Variants in LPP observed in about 807,000 individuals in gnomAD.
LPP encodes lipoma-preferred partner.
In LPP, 38 loss-of-function variants were observed where a neutral mutation model predicts 60.4. That is an observed-to-expected ratio of 0.63 (90% CI 0.49 to 0.83). LPP has a LOEUF of 0.83. Ranked by LOEUF, LPP falls within the 40% of genes least tolerant of loss-of-function variation. LPP has a pLI of 0.00. For missense variants in LPP, 902 were observed against 783.6 expected (o/e 1.15, Z -1.80); for synonymous variants, 328 against 290.8 (o/e 1.13, Z -1.30).
At chr3:188,292,003 T>G (rs975351727) in intron 2 of LPP, among the ~76,000 whole-genome samples, 1 of 152,236 alleles carries the variant, frequency 6.6e-6, no homozygotes, top group African/African-American at 2.4e-5. Flanking sequence ...TAATTTTCTT[T>G]AAACAGATCA....
intron 6 of LPP, among the ~76,000 whole-genome samples, chr3:188,607,390 TATATATATATATATATATATATATATA>T (rs1164179767): frequency 3.5e-5 from 1 of 28,384 alleles, no homozygotes; most frequent in African/African-American, 1.8e-4. Flanking sequence ...TATATATATA[TATATATATATATATATATATATATATA>T]ATTTTTTTTT....
At chr3:188,485,232 A>G (rs978853742) in intron 5 of LPP, among the ~76,000 whole-genome samples, 22 of 152,170 alleles carry the variant, frequency 1.4e-4, no homozygotes, top group Non-Finnish European at 2.5e-4. Context: ...TCAATTATAT[A>G]GAACTCTTGG....
At chr3:188,340,492 G>A (rs1198786777) in intron 2 of LPP, among the ~76,000 whole-genome samples, 4 of 133,574 alleles carry the variant, frequency 3.0e-5, no homozygotes, top group African/African-American at 1.1e-4. Context: ...AGTCCTTTAT[G>A]TAAACGGGAC....
At chr3:188,638,204 T>C (rs1232843698) in intron 7 of LPP, among the ~76,000 whole-genome samples, 5 of 138,834 alleles carry the variant, frequency 3.6e-5, no homozygotes, top group African/African-American at 5.3e-5. Context: ...GCAAGGCTGG[T>C]TCAATATATG....
At chr3:188,526,677 A>G (rs762566797) in intron 6 of LPP, among the ~76,000 whole-genome samples, 24 of 152,140 alleles carry the variant, frequency 1.6e-4, no homozygotes, top group African/African-American at 5.3e-4. Flanking sequence ...AAAATATACT[A>G]CCACTTAGCT....
chr3:188,369,336 C>T (rs1772305610), intron 3 of LPP, among the ~76,000 whole-genome samples: 1 of 151,350 alleles, frequency 6.6e-6, no homozygotes, highest in South Asian at 2.1e-4. Context: ...TGCTAATGTA[C>T]TTGTGAAGGC....
At chr3:188,642,792 TG>T (rs1850412873) in intron 7 of LPP, among the ~76,000 whole-genome samples, 1 of 152,026 alleles carries the variant, frequency 6.6e-6, no homozygotes, top group Non-Finnish European at 1.5e-5. Context: ...CAAAATTAGC[TG>T]GGTGTGGTGG....
chr3:188,201,757 T>C (rs1261176718), intron 1 of LPP, among the ~76,000 whole-genome samples: 1 of 152,050 alleles, frequency 6.6e-6, no homozygotes, highest in Non-Finnish European at 1.5e-5. Context: ...TCCCAACGAC[T>C]GGAGATCAGG....
At chr3:188,755,804 T>A (rs1249275578) in intron 8 of LPP, among the ~76,000 whole-genome samples, 1 of 60,960 alleles carries the variant, frequency 1.6e-5, no homozygotes, top group African/African-American at 7.0e-5. Context: ...AGTGAGATCC[T>A]GTCACAAAAA....
intron 7 of LPP, among the ~76,000 whole-genome samples, chr3:188,679,532 T>C (rs903992877): frequency 6.8e-6 from 1 of 147,528 alleles, no homozygotes; most frequent in Non-Finnish European, 1.5e-5. Context: ...TGTGTGTGTG[T>C]GTGTGTGTGT....
chr3:188,756,465 T>G (rs1730290009), intron 8 of LPP, among the ~76,000 whole-genome samples: 1 of 152,164 alleles, frequency 6.6e-6, no homozygotes. Context: ...TTCTCTTGTT[T>G]AAAAGTGCTG....
intron 1 of LPP, among the ~76,000 whole-genome samples, chr3:188,194,798 T>G (rs538665741): frequency 1.2e-4 from 18 of 152,342 alleles, no homozygotes; most frequent in African/African-American, 3.4e-4. Context: ...TTTCACTGTT[T>G]CATGTGAGTT....
chr3:188,691,463 A>G (rs960881405), intron 7 of LPP, among the ~76,000 whole-genome samples: 3 of 152,348 alleles, frequency 2.0e-5, no homozygotes, highest in Middle Eastern at 3.4e-3. Context: ...GGCCTGGCCC[A>G]AAGGTTAGCT....
At chr3:188,607,575 T>C (rs975843559) in intron 6 of LPP, among the ~76,000 whole-genome samples, 1 of 151,880 alleles carries the variant, frequency 6.6e-6, no homozygotes, top group Non-Finnish European at 1.5e-5. Context: ...AAATACATAG[T>C]GAATCTTTTC....
chr3:188,534,925 GTAAAGT>G (rs1823159845), intron 6 of LPP, among the ~76,000 whole-genome samples: 1 of 152,116 alleles, frequency 6.6e-6, no homozygotes, highest in Non-Finnish European at 1.5e-5. Flanking sequence ...AAAATTACCA[GTAAAGT>G]TAAACACTGC....
rs141705023 is a variant in LPP, at chr3:188,634,797, T to A, written c.1113+24953T>A. ...CCCACTGATTCCACTGATGGTGAGT[T>A]GTATAATTACTTCATTATATATTAC... On this transcript the variant is annotated intron_variant, in intron 7 of 11. Transcript: ENST00000617246. 1.3e-3 allele frequency among the ~76,000 whole-genome samples: 200 copies of A among 152,318 alleles called. 1 individual carries two copies. Among genetic ancestry groups the A allele is most frequent in the African/African-American group, 4.6e-3 (191 of 41,560 alleles).
intron 5 of LPP, among the ~76,000 whole-genome samples, chr3:188,500,516 A>G (rs1457489859): frequency 6.6e-6 from 1 of 152,134 alleles, no homozygotes; most frequent in Admixed American, 6.5e-5. Context: ...AATGTTTATT[A>G]GGGATATTGT....
At chr3:188,539,774 T>C (rs1217345333) in intron 6 of LPP, among the ~76,000 whole-genome samples, 1 of 152,190 alleles carries the variant, frequency 6.6e-6, no homozygotes, top group Admixed American at 6.5e-5. Flanking sequence ...ACCAACATCA[T>C]TATCAAATGA....
chr3:188,820,118 A>G (rs1348969910), intron 9 of LPP, among the ~76,000 whole-genome samples: 2 of 152,212 alleles, frequency 1.3e-5, no homozygotes, highest in African/African-American at 4.8e-5. Context: ...GATTCTCCCA[A>G]GGAAGTGTGG....
Sources: allele counts gnomAD v4.1 joint callset (sites outside exome capture counted in the v4.1 genomes callset), GRCh38; gene constraint gnomAD v4.1.1; transcripts MANE v1.5; gene names NCBI Gene and HGNC (gene_info 2026-07-23, HGNC 2026-07-21).